DPP10: variants seen among roughly 807,000 people sequenced by gnomAD.
The protein encoded by DPP10 is dipeptidyl peptidase like 10.
In DPP10, 33 loss-of-function variants were observed where a neutral mutation model predicts 120.9. The observed-to-expected ratio is 0.27, with a 90% CI of 0.21 to 0.37. The LOEUF (loss-of-function observed/expected upper bound fraction) is 0.37. Among genes scored for constraint, DPP10 ranks in the 10% least tolerant of loss-of-function variants. DPP10 has a pLI of 1.00. For synonymous variants in DPP10, 337 were observed against 326.1 expected (o/e 1.03, Z -0.36); for missense variants, 816 against 942.8 (o/e 0.87, Z 1.76).
chr2:114,600,653 G>A (rs1193850217), intron 1 of DPP10, among the ~76,000 whole-genome samples: 1 of 151,692 alleles, frequency 6.6e-6, no homozygotes, highest in East Asian at 1.9e-4. Flanking sequence ...GATATGCCTT[G>A]GCATCATTAA....
intron 3 of DPP10, among the ~76,000 whole-genome samples, chr2:115,422,823 T>C (rs2070101478): frequency 1.3e-5 from 2 of 152,144 alleles, no homozygotes; most frequent in Non-Finnish European, 2.9e-5. Context: ...CTCAGATTCA[T>C]TTACACATAT....
chr2:114,974,179 C>G (rs546644906), intron 1 of DPP10, among the ~76,000 whole-genome samples: 2 of 152,276 alleles, frequency 1.3e-5, no homozygotes, highest in Non-Finnish European at 1.5e-5. Flanking sequence ...TAGGCCCTCT[C>G]GTTCACTCAC....
chr2:114,882,804 G>A (rs1178099460), intron 1 of DPP10, among the ~76,000 whole-genome samples: 1 of 151,782 alleles, frequency 6.6e-6, no homozygotes, highest in Non-Finnish European at 1.5e-5. Flanking sequence ...ATATAATGAA[G>A]CCAAGACTAG....
At chr2:114,709,802 A>G (rs1008692205) in intron 1 of DPP10, among the ~76,000 whole-genome samples, 1 of 152,218 alleles carries the variant, frequency 6.6e-6, no homozygotes, top group African/African-American at 2.4e-5. Context: ...TCCTCCTTGC[A>G]GATGGATCCC....
intron 1 of DPP10, among the ~76,000 whole-genome samples, chr2:114,459,758 T>C (rs909005563): frequency 6.6e-6 from 1 of 152,222 alleles, no homozygotes; most frequent in African/African-American, 2.4e-5. Context: ...AGTTGTTTTT[T>C]ATTTTATATG....
chr2:115,468,232 G>A, intron 3 of DPP10: 1 of 503,444 alleles, frequency 2.0e-6, no homozygotes, highest in Non-Finnish European at 4.0e-6. Context: ...AGAAGCTTCT[G>A]CTGACCGCTC....
chr2:115,614,224 C>T (rs2084321366), intron 5 of DPP10, among the ~76,000 whole-genome samples: 1 of 152,144 alleles, frequency 6.6e-6, no homozygotes, highest in Non-Finnish European at 1.5e-5. Flanking sequence ...GCTTATGAGT[C>T]ACAACAAGGT....
At chr2:114,719,068 T>A (rs983835926) in intron 1 of DPP10, among the ~76,000 whole-genome samples, 4 of 152,246 alleles carry the variant, frequency 2.6e-5, no homozygotes, top group African/African-American at 9.6e-5. Flanking sequence ...TGTATTATTT[T>A]CATTTGGTTG....
chr2:115,392,748 A>T (rs1280782300), intron 3 of DPP10, among the ~76,000 whole-genome samples: 1 of 152,284 alleles, frequency 6.6e-6, no homozygotes, highest in Middle Eastern at 3.5e-3. Flanking sequence ...TTAAAATTGC[A>T]TATAAATGCA....
chr2:114,454,987 G>C (rs907092706), intron 1 of DPP10, among the ~76,000 whole-genome samples: 2 of 152,088 alleles, frequency 1.3e-5, no homozygotes, highest in Non-Finnish European at 2.9e-5. Context: ...GTGAGTGAAG[G>C]CCATCCAATG....
chr2:115,190,189 T>C (rs1476647627), intron 1 of DPP10, among the ~76,000 whole-genome samples: 1 of 152,210 alleles, frequency 6.6e-6, no homozygotes, highest in Non-Finnish European at 1.5e-5. Context: ...ATTCAAACTA[T>C]GTTCTTATTA....
At chr2:114,603,604 C>T (rs1054418574) in intron 1 of DPP10, among the ~76,000 whole-genome samples, 2 of 152,076 alleles carry the variant, frequency 1.3e-5, no homozygotes, top group Non-Finnish European at 1.5e-5. Context: ...GAAGTTTTCA[C>T]CCTGGCTCCA....
intron 1 of DPP10, among the ~76,000 whole-genome samples, chr2:115,016,230 G>A (rs527645144): frequency 6.6e-5 from 10 of 152,166 alleles, no homozygotes; most frequent in Middle Eastern, 3.4e-3. Context: ...TCTTTGACCA[G>A]CCTGACGAAA....
At chr2:114,903,752 G>A (rs1262828251) in intron 1 of DPP10, among the ~76,000 whole-genome samples, 3 of 152,122 alleles carry the variant, frequency 2.0e-5, no homozygotes, top group Non-Finnish European at 4.4e-5. Context: ...TCATAAAGGT[G>A]GTGCCATAAC....
At chr2:115,275,931 G>T (rs1024085749) in intron 1 of DPP10, among the ~76,000 whole-genome samples, 2 of 152,022 alleles carry the variant, frequency 1.3e-5, no homozygotes, top group African/African-American at 4.8e-5. Flanking sequence ...TCTATCTCCT[G>T]ACCTCGTGAT....
intron 1 of DPP10, among the ~76,000 whole-genome samples, chr2:114,475,049 G>C (rs527816979): frequency 1.3e-5 from 2 of 152,164 alleles, no homozygotes; most frequent in Non-Finnish European, 2.9e-5. Flanking sequence ...AGGGAGAAAG[G>C]CTTCTATAGA....
At chr2:115,405,732 C>T (rs919753129) in intron 3 of DPP10, among the ~76,000 whole-genome samples, 2 of 152,196 alleles carry the variant, frequency 1.3e-5, no homozygotes, top group African/African-American at 4.8e-5. Context: ...ACGACTTTTG[C>T]CTTTTGAAGC....
intron 1 of DPP10, among the ~76,000 whole-genome samples, chr2:115,042,946 A>G (rs768910726): frequency 1.8e-4 from 27 of 152,170 alleles, no homozygotes; most frequent in Admixed American, 3.3e-4. Flanking sequence ...ATGTTAAATA[A>G]TTTCATCATT....
intron 2 of DPP10, among the ~76,000 whole-genome samples, chr2:115,324,169 G>A (rs894998651): frequency 1.3e-5 from 2 of 152,050 alleles, no homozygotes; most frequent in African/African-American, 2.4e-5. Flanking sequence ...CCAGCTACTC[G>A]GGAGGCTGAG....
Sources: allele counts gnomAD v4.1 joint callset (sites outside exome capture counted in the v4.1 genomes callset), GRCh38; gene constraint gnomAD v4.1.1; transcripts MANE v1.5; gene names NCBI Gene and HGNC (gene_info 2026-07-23, HGNC 2026-07-21).